The following ZFPM2 variants were observed in gnomAD, a reference collection of about 807,000 sequenced individuals.
ZFPM2 encodes zinc finger protein, FOG family member 2.
In ZFPM2, 20 loss-of-function variants were observed where a neutral mutation model predicts 98.6. The ratio of observed to expected loss-of-function variants is 0.20; its 90% CI spans 0.14 to 0.29. The LOEUF is 0.29. Among genes scored for constraint, ZFPM2 ranks in the 10% least tolerant of loss-of-function variants. ZFPM2 has a pLI of 1.00. For missense variants in ZFPM2, 1,310 were observed against 1,388.6 expected (o/e 0.94, Z 0.90); for synonymous variants, 518 against 502.7 (o/e 1.03, Z -0.41).
intron 5 of ZFPM2, among the ~76,000 whole-genome samples, chr8:105,766,551 T>C (rs1812856203): frequency 6.6e-6 from 1 of 151,776 alleles, no homozygotes. Context: ...GGATTAGGCA[T>C]TGAGAGGTAG....
Position 105,598,085 on chromosome 8 carries a change from G to C in ZFPM2, c.421-36161G>C, listed in dbSNP as rs1450234687. On this transcript the variant is annotated intron_variant, in intron 4 of 7. Transcript: ENST00000407775. ...AAAAACCTTTTTTTTTTTTTTTTTG[G>C]TCAGAAATAGCTGTGTTATTCTGCA... Among the ~76,000 whole-genome samples the C allele has an allele frequency of 3.4e-5, 4 of 119,188 alleles. No individual in the cohort carries two copies. The East Asian group carries it at 7.6e-4, about 23-fold the overall frequency. The allele number at this position is 119,188 out of a possible 152,430, so 78.2% of individuals were successfully genotyped here.
At chr8:105,577,813 C>T (rs751481093) in intron 4 of ZFPM2, among the ~76,000 whole-genome samples, 16 of 150,992 alleles carry the variant, frequency 1.1e-4, no homozygotes, top group Non-Finnish European at 2.4e-4. Context: ...AAAATGCATG[C>T]AGTGAAAAGT....
intron 3 of ZFPM2, among the ~76,000 whole-genome samples, chr8:105,455,862 GCTGTTGAGTAGAA>G (rs1462322534): frequency 6.6e-6 from 1 of 152,168 alleles, no homozygotes; most frequent in Non-Finnish European, 1.5e-5. Context: ...TCCAAATGGA[GCTGTTGAGTAGAA>G]CATTGGTAAT....
At chr8:105,549,142 T>G (rs994774913) in intron 3 of ZFPM2, among the ~76,000 whole-genome samples, 6 of 151,992 alleles carry the variant, frequency 3.9e-5, no homozygotes, top group Admixed American at 3.3e-4. Flanking sequence ...TTCCTTCATT[T>G]CCTCCTCCTC....
chr8:105,718,847 C>T (rs1661577234), intron 5 of ZFPM2, among the ~76,000 whole-genome samples: 3 of 151,740 alleles, frequency 2.0e-5, no homozygotes, highest in African/African-American at 7.3e-5. Context: ...TTTGAGTAGA[C>T]CCTCTTTCAC....
rs746157569 is a variant in ZFPM2 at position 105,561,349 on chromosome 8, T to C, written c.302-14T>C. ...AAGTAAGTATTCTAAACACTTCTGT[T>C]CCTTTGTCTGCAGGAGAGCTGGAGG... is the stretch of plus-strand genomic sequence containing the variant. On this transcript the variant is annotated splice_polypyrimidine_tract_variant and intron_variant, in intron 3 of 7. Transcript: ENST00000407775. 6.2e-7 allele frequency: 1 copy of C among 1,606,940 alleles called. No homozygotes were observed. Among genetic ancestry groups the C allele is most frequent in the Admixed American group, 1.7e-5 (1 of 59,904 alleles).
At chr8:105,673,107 G>T (rs1314882927) in intron 5 of ZFPM2, among the ~76,000 whole-genome samples, 3 of 151,254 alleles carry the variant, frequency 2.0e-5, no homozygotes, top group Non-Finnish European at 4.4e-5. Context: ...ACGAGAGATT[G>T]GAAGAGGAAA....
At chr8:105,355,714 A>G (rs1171549719) in intron 1 of ZFPM2, among the ~76,000 whole-genome samples, 1 of 152,192 alleles carries the variant, frequency 6.6e-6, no homozygotes, top group African/African-American at 2.4e-5. Flanking sequence ...ATTGCCATTT[A>G]TATTTGTATA....
chr8:105,744,699 A>G (rs1812303074), intron 5 of ZFPM2, among the ~76,000 whole-genome samples: 1 of 146,404 alleles, frequency 6.8e-6, no homozygotes, highest in Admixed American at 7.0e-5. Flanking sequence ...TTTGAAGGAT[A>G]AACTTAGATA....
chr8:105,508,838 T>G (rs1166478523), intron 3 of ZFPM2, among the ~76,000 whole-genome samples: 2 of 151,240 alleles, frequency 1.3e-5, no homozygotes, highest in South Asian at 2.1e-4. Flanking sequence ...GTTGGGGTTT[T>G]GGATTTTTTT....
In ZFPM2 at chr8:105,801,805, T is replaced by C. The variant is rs1370812925; in HGVS notation, c.1723T>C (p.Trp575Arg). 6.2e-7 allele frequency: 1 copy of C among 1,614,008 alleles called. No homozygotes were observed. Among genetic ancestry groups the C allele is most frequent in the Non-Finnish European group, 8.5e-7 (1 of 1,179,876 alleles). The change falls in exon 8 of 8, where the codon TGG becomes CGG. Residue 575 changes from tryptophan to arginine, a missense_variant. Physicochemically the swap from Trp to Arg is moderately radical, Grantham distance 101 (BLOSUM62 -3). Coordinates refer to ENST00000407775, the MANE Select transcript of ZFPM2 (RefSeq NM_012082.4). ...CAAAAAGCATTATTGCAGCAGCCGA[T>C]GGCAGCAGATGGCTAAGTCCCCAGA... ...VHKKHYCSSR[W>R]QQMAKSPEFP...
chr8:105,744,261 A>G (rs1812292025), intron 5 of ZFPM2, among the ~76,000 whole-genome samples: 1 of 152,100 alleles, frequency 6.6e-6, no homozygotes, highest in Admixed American at 6.6e-5. Flanking sequence ...CAGTAAAACC[A>G]TGGTGCACAA....
chr8:105,336,688 C>CCACACA (rs139930523), intron 1 of ZFPM2, among the ~76,000 whole-genome samples: 3,428 of 142,190 alleles, frequency 0.024, 51 homozygotes, highest in Middle Eastern at 0.032. Flanking sequence ...GTAATATACT[C>CCACACA]CACACACACA....
chr8:105,370,535 A>G (rs1379740286), intron 1 of ZFPM2, among the ~76,000 whole-genome samples: 1 of 152,174 alleles, frequency 6.6e-6, no homozygotes, highest in Non-Finnish European at 1.5e-5. Flanking sequence ...CATCTTAGTG[A>G]TATGCATTAT....
intron 1 of ZFPM2, among the ~76,000 whole-genome samples, chr8:105,393,127 T>C (rs1305686359): frequency 6.6e-6 from 1 of 152,216 alleles, no homozygotes; most frequent in East Asian, 1.9e-4. Flanking sequence ...TTAAAGCCTC[T>C]AATATCCAGG....
intron 1 of ZFPM2, among the ~76,000 whole-genome samples, chr8:105,357,390 A>G (rs1668383141): frequency 6.6e-6 from 1 of 152,208 alleles, no homozygotes; most frequent in African/African-American, 2.4e-5. Context: ...CATTTTAAGG[A>G]CACACATGTA....
At chr8:105,554,408 T>C (rs910953632) in intron 3 of ZFPM2, among the ~76,000 whole-genome samples, 3 of 152,182 alleles carry the variant, frequency 2.0e-5, no homozygotes, top group African/African-American at 7.2e-5. Context: ...TTCAGCCACC[T>C]TGGCTGACTT....
chr8:105,800,922 C>T lies in ZFPM2; in HGVS notation c.965-125C>T, dbSNP rs528860872. 422 of 878,202 alleles carry T rather than the reference C, an allele frequency of 4.8e-4. 1 individual carries two copies. The highest frequency in any genetic ancestry group is 3.7e-3 in the South Asian group (213 of 58,104). 54.4% of individuals were successfully genotyped at this position (878,202 alleles called of 1,614,324 possible). Reference sequence around the variant, plus strand: ...TGTCACAAGAAAACAGTTAATATCACGAATGAAATTTTGAAAGATTTCATT... The same window carrying T: ...TGTCACAAGAAAACAGTTAATATCATGAATGAAATTTTGAAAGATTTCATT... On this transcript the variant is annotated intron_variant, in intron 7 of 7. Coordinates refer to ENST00000407775, the MANE Select transcript of ZFPM2 (RefSeq NM_012082.4).
intron 1 of ZFPM2, among the ~76,000 whole-genome samples, chr8:105,340,478 A>G (rs1812409026): frequency 6.6e-6 from 1 of 151,984 alleles, no homozygotes; most frequent in Admixed American, 6.6e-5. Flanking sequence ...TTAAGAAGAT[A>G]AATCTGAAAT....
Sources: gnomAD v4.1 joint callset for allele counts (sites outside exome capture counted in the v4.1 genomes callset) on GRCh38, gnomAD v4.1.1 for gene constraint, MANE v1.5 for transcripts, NCBI Gene and HGNC (gene_info 2026-07-23, HGNC 2026-07-21) for gene names.